Variants in CSMD1 observed in about 807,000 individuals in gnomAD.
The protein encoded by CSMD1 is CUB and Sushi multiple domains 1.
In CSMD1, 213 loss-of-function variants were observed where a neutral mutation model predicts 417.5. The observed-to-expected ratio is 0.51, with a 90% CI of 0.46 to 0.57. CSMD1 has a LOEUF of 0.57. CSMD1 is among the 20% of genes least tolerant of loss of function. The pLI is 0.00. For missense variants in CSMD1, 6,923 were observed against 4,529.7 expected (o/e 1.53, Z -15.17); for synonymous variants, 2,862 against 1,736.8 (o/e 1.65, Z -16.11).
Position 4,047,155 on chromosome 8 carries a change from G to A in CSMD1, c.416-15056C>T, listed in dbSNP as rs529413027. ...AAGCAGAGCAGCCTGCAACGGTTCC[G>A]TGAGCCTGACCTATCTGACCTGTGC... On this transcript the variant is annotated intron_variant, in intron 3 of 69. Coordinates refer to ENST00000635120, the MANE Select transcript of CSMD1 (RefSeq NM_033225.6). Among the ~76,000 whole-genome samples, 29 of 152,266 alleles carry A rather than the reference G, an allele frequency of 1.9e-4. 1 individual carries two copies. In the South Asian group the frequency reaches 4.1e-3, roughly 22 times the overall value.
intron 3 of CSMD1, among the ~76,000 whole-genome samples, chr8:4,317,378 AT>A (rs1479530667): frequency 1.3e-5 from 2 of 152,188 alleles, no homozygotes; most frequent in Admixed American, 1.3e-4. Flanking sequence ...TGGCTCTTTC[AT>A]TCTACCCTGC....
At chr8:4,371,358 T>C (rs1802385548) in intron 3 of CSMD1, among the ~76,000 whole-genome samples, 1 of 152,218 alleles carries the variant, frequency 6.6e-6, no homozygotes, top group South Asian at 2.1e-4. Context: ...TGCAGGGTTT[T>C]GAGAGAAACT....
intron 1 of CSMD1, among the ~76,000 whole-genome samples, chr8:4,958,948 T>C (rs1809298753): frequency 6.6e-6 from 1 of 152,126 alleles, no homozygotes; most frequent in Non-Finnish European, 1.5e-5. Flanking sequence ...TTTGCTTCCT[T>C]AGGTCTTGTG....
chr8:3,057,322 C>T (rs1348916328), intron 49 of CSMD1, among the ~76,000 whole-genome samples: 1 of 151,868 alleles, frequency 6.6e-6, no homozygotes, highest in Non-Finnish European at 1.5e-5. Context: ...AATATGCACG[C>T]AAAACATTAT....
chr8:4,726,886 A>G (rs1258913144), intron 1 of CSMD1, among the ~76,000 whole-genome samples: 7 of 152,220 alleles, frequency 4.6e-5, no homozygotes, highest in African/African-American at 9.6e-5. Flanking sequence ...AAACATTATT[A>G]GAAATATGAA....
chr8:4,233,196 T>G (rs539601738), intron 3 of CSMD1, among the ~76,000 whole-genome samples: 1 of 152,308 alleles, frequency 6.6e-6, no homozygotes, highest in African/African-American at 2.4e-5. Flanking sequence ...TGAAAACATA[T>G]CATTTTCTTC....
intron 1 of CSMD1, among the ~76,000 whole-genome samples, chr8:4,799,365 C>G (rs1176880287): frequency 6.6e-6 from 1 of 151,356 alleles, no homozygotes; most frequent in African/African-American, 2.4e-5. Context: ...TAATTTTAGC[C>G]CTAGATCATA....
intron 5 of CSMD1, among the ~76,000 whole-genome samples, chr8:3,986,676 T>C (rs753324948): frequency 1.2e-4 from 19 of 152,272 alleles, no homozygotes; most frequent in Non-Finnish European, 2.2e-4. Context: ...AGGGACAGAG[T>C]GAACATTTTA....
intron 2 of CSMD1, among the ~76,000 whole-genome samples, chr8:4,616,998 C>G (rs1378583245): frequency 6.6e-6 from 1 of 151,888 alleles, no homozygotes; most frequent in Non-Finnish European, 1.5e-5. Context: ...CCTTAATATT[C>G]CATAAGTGAT....
chr8:3,538,364 G>T (rs1157340044), intron 10 of CSMD1, among the ~76,000 whole-genome samples: 1 of 151,920 alleles, frequency 6.6e-6, no homozygotes, highest in Non-Finnish European at 1.5e-5. Context: ...CTGGGATGAT[G>T]CACCTGGGAT....
chr8:4,735,406 C>G (rs994539195), intron 1 of CSMD1, among the ~76,000 whole-genome samples: 2 of 152,236 alleles, frequency 1.3e-5, no homozygotes, highest in East Asian at 3.9e-4. Flanking sequence ...CCCAAATAAC[C>G]TTCTTTTTTC....
At chr8:3,270,854 T>A (rs1471723381) in intron 26 of CSMD1, among the ~76,000 whole-genome samples, 2 of 152,186 alleles carry the variant, frequency 1.3e-5, no homozygotes, top group African/African-American at 4.8e-5. Context: ...TTCACATGGC[T>A]GGGGAGGCCT....
chr8:3,635,485 T>G (rs1435281360), intron 7 of CSMD1, among the ~76,000 whole-genome samples: 1 of 113,776 alleles, frequency 8.8e-6, no homozygotes, highest in Non-Finnish European at 1.7e-5. Context: ...CTCCATCTCT[T>G]TTTTTTTTTT....
In CSMD1 at chr8:2,978,764, G is replaced by A. The variant is rs773234730; in HGVS notation, c.8414C>T (p.Ala2805Val). ...NCSDPGFVEN[A>V]IRHGQQNFPE... ...GAAGTTCTGTTGCCCGTGACGAATG[G>A]CATTTTCCACAAAGCCTGGATCAGA... is the stretch of plus-strand genomic sequence containing the variant. Residue 2805 changes from alanine to valine, a missense_variant, in exon 55 of 70, where the codon GCC (alanine) becomes GTC (valine). Ala to Val is a moderately conservative substitution (Grantham distance 64). Coordinates refer to ENST00000635120, the MANE Select transcript of CSMD1 (RefSeq NM_033225.6). 6 of 1,613,160 alleles carry A rather than the reference G, an allele frequency of 3.7e-6. No homozygotes were observed. Among genetic ancestry groups the A allele is most frequent in the East Asian group, 2.2e-5 (1 of 44,844 alleles).
At chr8:4,347,355 G>A (rs967259075) in intron 3 of CSMD1, among the ~76,000 whole-genome samples, 5 of 152,148 alleles carry the variant, frequency 3.3e-5, no homozygotes, top group Admixed American at 2.6e-4. Flanking sequence ...TAATATAATC[G>A]ATACTCTCTG....
intron 7 of CSMD1, among the ~76,000 whole-genome samples, chr8:3,627,844 CCA>C (rs1410768399): frequency 3.3e-5 from 5 of 152,094 alleles, no homozygotes; most frequent in African/African-American, 4.8e-5. Flanking sequence ...ATTTCAAAGC[CCA>C]CATTGTTCTT....
chr8:4,150,863 T>TA (rs141905359), intron 3 of CSMD1, among the ~76,000 whole-genome samples: 4,773 of 144,998 alleles, frequency 0.033, 222 homozygotes, highest in African/African-American at 0.11. Context: ...ATTATAAATA[T>TA]AAAAAAATGT....
intron 4 of CSMD1, among the ~76,000 whole-genome samples, chr8:4,011,524 T>C (rs974295578): frequency 6.6e-6 from 1 of 152,134 alleles, no homozygotes; most frequent in East Asian, 1.9e-4. Flanking sequence ...CCCTCCTGGG[T>C]TTCCTGCAGA....
At chr8:3,596,331 A>C (rs1413545477) in intron 8 of CSMD1, among the ~76,000 whole-genome samples, 2 of 152,162 alleles carry the variant, frequency 1.3e-5, no homozygotes, top group African/African-American at 4.8e-5. Flanking sequence ...GGAGCTAACC[A>C]GGTACAGCAT....
Sources: allele counts gnomAD v4.1 joint callset (sites outside exome capture counted in the v4.1 genomes callset), GRCh38; gene constraint gnomAD v4.1.1; transcripts MANE v1.5; gene names NCBI Gene and HGNC (gene_info 2026-07-23, HGNC 2026-07-21).